Variants in CRYBB1 observed in about 807,000 individuals in gnomAD.
CRYBB1 encodes crystallin beta B1.
Under a neutral mutation model 29.5 loss-of-function variants are expected in CRYBB1, and 16 were observed. That is an observed-to-expected ratio of 0.54 (90% confidence interval 0.37 to 0.82). The LOEUF (loss-of-function observed/expected upper bound fraction) is 0.82, where lower values mean the gene tolerates loss of function less well. CRYBB1 is among the 40% of genes least tolerant of loss of function. The pLI is 0.00. For synonymous variants in CRYBB1, 127 were observed against 136.7 expected, an observed-to-expected ratio of 0.93 and a Z score of 0.49; for missense variants, 300 against 350.5, an observed-to-expected ratio of 0.86 and a Z score of 1.15.
intron 2 of CRYBB1, among the ~76,000 whole-genome samples, chr22:26,613,389 G>A (rs986301024): frequency 6.6e-6 from 1 of 152,318 alleles, no homozygotes; most frequent in Admixed American, 6.5e-5. Context: ...GTGTGCCCCG[G>A]GATGTTGCGG....
Position 26,601,933 on chromosome 22 carries a change from A to T in CRYBB1, c.521T>A (p.Leu174His). The T allele has an allele frequency of 6.2e-7, 1 of 1,613,082 alleles. No homozygotes were observed. Among genetic ancestry groups the T allele is most frequent in the Non-Finnish European group, 8.5e-7 (1 of 1,179,880 alleles). Residue 174 changes from leucine (L) to histidine (H), a missense_variant, in exon 5 of 6, where the codon CTC (leucine) becomes CAC (histidine). By Grantham distance (99) the Leu-to-His change is moderately conservative. Transcript: ENST00000647684. ...IEIQGDDAPS[L>H]WVYGFSDRVG... ...GCGGTCACTGAAGCCGTAGACCCAG[A>T]GACTGGGTGCGTCGTCCCCCTGGAT... is the stretch of plus-strand genomic sequence containing the variant.
chr22:26,614,578 C>T (rs1159348034), intron 2 of CRYBB1, among the ~76,000 whole-genome samples: 2 of 152,014 alleles, frequency 1.3e-5, no homozygotes, highest in Admixed American at 6.6e-5. Context: ...CAGGCAGCAG[C>T]CAGAATGAAT....
At chr22:26,605,273 C>G (rs1008521778) in intron 4 of CRYBB1, among the ~76,000 whole-genome samples, 18 of 152,194 alleles carry the variant, frequency 1.2e-4, no homozygotes, top group African/African-American at 4.3e-4. Context: ...TTATGATTAG[C>G]TTTTTGATAG....
chr22:26,611,287 G>T (rs1929149113), intron 3 of CRYBB1, among the ~76,000 whole-genome samples: 1 of 152,116 alleles, frequency 6.6e-6, no homozygotes, highest in Non-Finnish European at 1.5e-5. Context: ...GCCTCCTACA[G>T]CACTGTGAAT....
intron 4 of CRYBB1, among the ~76,000 whole-genome samples, chr22:26,604,688 G>A (rs76780203): frequency 6.6e-6 from 1 of 152,332 alleles, no homozygotes; most frequent in South Asian, 2.1e-4. Context: ...CAATATCTGT[G>A]TGGCCAGGGT....
intron 5 of CRYBB1, among the ~76,000 whole-genome samples, chr22:26,599,890 G>A (rs955484514): frequency 6.6e-6 from 1 of 152,202 alleles, no homozygotes; most frequent in Non-Finnish European, 1.5e-5. Context: ...GCATGGTCAC[G>A]GTGCCTGGTT....
intron 2 of CRYBB1, among the ~76,000 whole-genome samples, chr22:26,614,591 C>A (rs1929283202): frequency 6.6e-6 from 1 of 152,124 alleles, no homozygotes; most frequent in South Asian, 2.1e-4. Context: ...GAATGAATGG[C>A]CGGCAGTCAT....
At chr22:26,607,093 G>A (rs1310183425) in intron 4 of CRYBB1, among the ~76,000 whole-genome samples, 1 of 148,884 alleles carries the variant, frequency 6.7e-6, no homozygotes, top group East Asian at 2.0e-4. Flanking sequence ...CATGATCTCG[G>A]CTCACTGCAA....
intron 3 of CRYBB1, 28 bp downstream of exon 3, chr22:26,612,044 G>A: frequency 1.3e-6 from 2 of 1,501,428 alleles, no homozygotes. Flanking sequence ...GTGGCAGAGA[G>A]TGTGCCCCTC....
intron 2 of CRYBB1, among the ~76,000 whole-genome samples, chr22:26,615,327 G>A (rs1193634047): frequency 6.6e-6 from 1 of 152,078 alleles, no homozygotes; most frequent in Non-Finnish European, 1.5e-5. Context: ...AGCCTCCAAG[G>A]ACAGCTGGTT....
In CRYBB1 at chr22:26,616,240, G is replaced by A; in HGVS notation, c.80C>T (p.Pro27Leu). Reference sequence around the variant, plus strand: ...GGGACTAGGGGATGTTCCTGCAGGTGGGGCCCCCTTCCCCTTGGTGTCAGG... The same window carrying A: ...GGGACTAGGGGATGTTCCTGCAGGTAGGGCCCCCTTCCCCTTGGTGTCAGG... Reference protein sequence around the residue: ...PGPDTKGKGAPPAGTSPSPGT... With the variant: ...PGPDTKGKGALPAGTSPSPGT... Residue 27 changes from proline to leucine, a missense_variant, in exon 2 of 6, where the codon CCA becomes CTA. Coordinates refer to ENST00000647684, the MANE Select transcript of CRYBB1 (RefSeq NM_001887.4). 6.2e-7 allele frequency: 1 copy of A among 1,614,034 alleles called. No homozygotes were observed. The highest frequency in any genetic ancestry group is 1.3e-5 in the African/African-American group (1 of 75,050).
chr22:26,612,014 T>A, intron 3 of CRYBB1, 58 bp downstream of exon 3: 1 of 1,260,066 alleles, frequency 7.9e-7, no homozygotes, highest in Non-Finnish European at 1.2e-6. Context: ...TGGCAGCTAC[T>A]GTTGTGTGGT....
At chr22:26,608,128 G>A in intron 3 of CRYBB1, 107 bp from the exon 4 acceptor site, 3 of 1,531,150 alleles carry the variant, frequency 2.0e-6, no homozygotes, top group Non-Finnish European at 2.7e-6. Context: ...CCTGAGGACA[G>A]TAGGAAAGTC....
chr22:26,617,356 A>G (rs996843236), intron 1 of CRYBB1, among the ~76,000 whole-genome samples: 3 of 152,212 alleles, frequency 2.0e-5, no homozygotes, highest in African/African-American at 4.8e-5. Context: ...AGCACAGATT[A>G]AGACCCTCTG....
intron 5 of CRYBB1, among the ~76,000 whole-genome samples, chr22:26,600,540 A>G (rs1174027349): frequency 6.6e-6 from 1 of 152,246 alleles, no homozygotes; most frequent in Non-Finnish European, 1.5e-5. Context: ...ATCTAGGTGG[A>G]TAAGGTATCA....
chr22:26,604,317 G>A (rs1225260154), intron 4 of CRYBB1, among the ~76,000 whole-genome samples: 1 of 152,198 alleles, frequency 6.6e-6, no homozygotes, highest in Non-Finnish European at 1.5e-5. Flanking sequence ...CAGTTGTAGG[G>A]ATTATGTAAA....
At chr22:26,610,789 C>A (rs1929132427) in intron 3 of CRYBB1, among the ~76,000 whole-genome samples, 1 of 152,140 alleles carries the variant, frequency 6.6e-6, no homozygotes, top group African/African-American at 2.4e-5. Context: ...TGAGGGCCAT[C>A]CTTCTCCCCA....
intron 2 of CRYBB1, among the ~76,000 whole-genome samples, chr22:26,613,723 T>G (rs1177051230): frequency 6.6e-6 from 1 of 152,154 alleles, no homozygotes; most frequent in Non-Finnish European, 1.5e-5. Flanking sequence ...TTGAGCAATA[T>G]GAAATGTGGG....
chr22:26,606,140 T>G (rs1463673367), intron 4 of CRYBB1, among the ~76,000 whole-genome samples: 1 of 152,196 alleles, frequency 6.6e-6, no homozygotes, highest in Non-Finnish European at 1.5e-5. Context: ...AATTAGATGG[T>G]TGGATCTCAG....
Sources: allele counts gnomAD v4.1 joint callset (sites outside exome capture counted in the v4.1 genomes callset), GRCh38; gene constraint gnomAD v4.1.1; transcripts MANE v1.5; gene names NCBI Gene and HGNC (gene_info 2026-07-23, HGNC 2026-07-21).